Variants in KDM5A observed in about 807,000 individuals in gnomAD.
KDM5A encodes the protein lysine demethylase 5A.
Under a neutral mutation model 193.5 loss-of-function variants are expected in KDM5A, and 42 were observed. That is an observed-to-expected ratio of 0.22 (90% CI 0.17 to 0.28). KDM5A has a LOEUF of 0.28. KDM5A is among the 10% of genes least tolerant of loss of function. The pLI is 1.00. For synonymous variants in KDM5A, 796 were observed against 718.1 expected (o/e 1.11, Z -1.73); for missense variants, 1,692 against 2,055.1 (o/e 0.82, Z 3.42).
chr12:387,692 G>T (rs571262562), intron 1 of KDM5A, among the ~76,000 whole-genome samples: 1 of 152,244 alleles, frequency 6.6e-6, no homozygotes, highest in African/African-American at 2.4e-5. Context: ...TCACACATTT[G>T]GTGTTTTAAC....
rs535989140 is a variant in KDM5A, at chr12:318,174, A to C, written c.2829T>G (p.Ala943=). 1.9e-6 allele frequency: 3 copies of C among 1,614,222 alleles called. No homozygotes were observed. The East Asian group carries it at 6.7e-5, about 36-fold the overall frequency. The part of the protein sequence containing the change: ...APHHAVEKAM[A]ELQELLTVSE... ...AGACTGTAAGGAGCTCCTGTAGTTC[A>C]GCCATTGCTTTCTCCACAGCATGGT... Residue 943 remains alanine, a synonymous_variant, in exon 19 of 28, where the codon GCT becomes GCG. Transcript: ENST00000399788.
chr12:381,873 G>A (rs1944577458), intron 3 of KDM5A, among the ~76,000 whole-genome samples: 2 of 151,948 alleles, frequency 1.3e-5, no homozygotes, highest in Admixed American at 6.6e-5. Flanking sequence ...GTGGTGTGAT[G>A]ACAGCTCACC....
intron 21 of KDM5A, among the ~76,000 whole-genome samples, chr12:310,434 A>G (rs1032969104): frequency 6.6e-6 from 1 of 152,170 alleles, no homozygotes; most frequent in African/African-American, 2.4e-5. Context: ...GGAGTTCAAG[A>G]CCAGCCCAGG....
At chr12:383,390 T>C (rs2137498319) in intron 3 of KDM5A, among the ~76,000 whole-genome samples, 1 of 152,130 alleles carries the variant, frequency 6.6e-6, no homozygotes, top group East Asian at 1.9e-4. Context: ...AGCTTTTCTG[T>C]ATTTTTAGTA....
In KDM5A at chr12:325,033, G is replaced by T. The variant is rs568124911; in HGVS notation, c.1969-1252C>A. On this transcript the variant is annotated intron_variant, in intron 14 of 27. Transcript: ENST00000399788. ...CAAACTCTCTTCATGTAAACAAGGT[G>T]GGAACCTGATAATTTATTCACTGGC... is the stretch of plus-strand genomic sequence containing the variant. 1.6e-4 allele frequency among the ~76,000 whole-genome samples: 25 copies of T among 152,234 alleles called. 1 individual carries two copies. Among genetic ancestry groups the T allele is most frequent in the East Asian group, 1.2e-3 (6 of 5,190 alleles).
intron 4 of KDM5A, among the ~76,000 whole-genome samples, chr12:365,550 G>C (rs553614675): frequency 6.6e-6 from 1 of 152,190 alleles, no homozygotes; most frequent in Non-Finnish European, 1.5e-5. Context: ...GCTAGTGGAA[G>C]TGCTCTAAAA....
intron 4 of KDM5A, among the ~76,000 whole-genome samples, chr12:364,805 C>CAAAA (rs1565547547): frequency 6.8e-6 from 1 of 146,460 alleles, no homozygotes; most frequent in Non-Finnish European, 1.5e-5. Context: ...AACAAACAAA[C>CAAAA]AAATTTACAC....
At chr12:362,262 G>C (rs938979363) in intron 5 of KDM5A, among the ~76,000 whole-genome samples, 7 of 151,212 alleles carry the variant, frequency 4.6e-5, no homozygotes, top group African/African-American at 1.5e-4. Context: ...AGGAAACAGG[G>C]GTTTGAAAGA....
chr12:355,020 T>C, intron 7 of KDM5A, 138 bp downstream of exon 7: 1 of 702,516 alleles, frequency 1.4e-6, no homozygotes, highest in Non-Finnish European at 2.6e-6. Context: ...AAACAAAAGC[T>C]GTAACTTCAC....
At chr12:310,484 A>G (rs1363212785) in intron 21 of KDM5A, among the ~76,000 whole-genome samples, 1 of 152,136 alleles carries the variant, frequency 6.6e-6, no homozygotes, top group Non-Finnish European at 1.5e-5. Flanking sequence ...AATACAAAAA[A>G]TTAGCCAGGC....
rs375955542 is a variant in KDM5A at position 295,629 on chromosome 12, G to A, written c.4399C>T (p.Arg1467Trp). The A allele has an allele frequency of 2.2e-5, 35 of 1,613,968 alleles. No homozygotes were observed. The highest frequency in any genetic ancestry group is 3.3e-5 in the Admixed American group (2 of 60,000). ...GGTGGGTGTGTGGCCTGCAAAATCCGCCATATGTGTTGAGTCTCGTCCAGA... is the reference window on the plus strand; with the variant it reads ...GGTGGGTGTGTGGCCTGCAAAATCCACCATATGTGTTGAGTCTCGTCCAGA... The part of the protein sequence containing the change: ...VSLDETQHIW[R>W]ILQATHPPSE... Residue 1467 changes from arginine to tryptophan, a missense_variant, in exon 26 of 28, where the codon CGG (arginine) becomes TGG (tryptophan). By Grantham distance (101) the Arg-to-Trp change is moderately radical. Coordinates refer to ENST00000399788, the MANE Select transcript of KDM5A (RefSeq NM_001042603.3).
chr12:373,431 A>T (rs1288754527), intron 3 of KDM5A, among the ~76,000 whole-genome samples: 1 of 151,990 alleles, frequency 6.6e-6, no homozygotes, highest in East Asian at 1.9e-4. Context: ...ATTGGTGGTG[A>T]TATCCCCTTT....
chr12:362,072 T>A (rs1944300151), intron 5 of KDM5A, among the ~76,000 whole-genome samples: 1 of 152,180 alleles, frequency 6.6e-6, no homozygotes, highest in African/African-American at 2.4e-5. Context: ...ATCATTCCCA[T>A]CTCTATACTA....
In KDM5A at chr12:350,717, ATCT is replaced by A; in HGVS notation, c.1209_1211del (p.Glu403del). On this transcript the variant is annotated inframe_deletion, in exon 10 of 28. Transcript: ENST00000399788. ...TATCTGCTCCATATTCCACAATAACATCTTCTTCAATGCTGCTTACCAGCCGCC... is the reference window on the plus strand; with the variant it reads ...TATCTGCTCCATATTCCACAATAACATCTTCAATGCTGCTTACCAGCCGCC... 6.2e-7 allele frequency: 1 copy of A among 1,614,086 alleles called. No homozygotes were observed. Among genetic ancestry groups the A allele is most frequent in the East Asian group, 2.2e-5 (1 of 44,880 alleles).
At chr12:314,796 C>T (rs183775046) in intron 19 of KDM5A, among the ~76,000 whole-genome samples, 1 of 152,132 alleles carries the variant, frequency 6.6e-6, no homozygotes, top group East Asian at 1.9e-4. Context: ...CACAAAGATG[C>T]AGAGAAAGAA....
rs921158576 is a variant in KDM5A, at chr12:334,144, A to G, written c.1490+97T>C. The G allele has an allele frequency of 2.9e-5, 32 of 1,118,664 alleles. No homozygotes were observed. In the African/African-American group the frequency reaches 4.5e-4, roughly 16 times the overall value. 69.3% of individuals were successfully genotyped at this position (1,118,664 alleles called of 1,614,324 possible). ...TAGAAATTATTGAAACCTTAAATAT[A>G]CTTCTGTCTATAAACCTTAAAGATC... On this transcript the variant is annotated intron_variant, in intron 11 of 27. Coordinates refer to ENST00000399788, the MANE Select transcript of KDM5A (RefSeq NM_001042603.3).
chr12:385,893 T>C lies in KDM5A; in HGVS notation c.243+4A>G. ...GGAAGCAGAAATAGTGACAAAACAC[T>C]TACCTCAAGTTCATTCAGGCGCTGG... On this transcript the variant is annotated splice_donor_region_variant and intron_variant, in intron 2 of 27. Coordinates refer to ENST00000399788, the MANE Select transcript of KDM5A (RefSeq NM_001042603.3). 6.2e-7 allele frequency: 1 copy of C among 1,610,202 alleles called. No homozygotes were observed.
In KDM5A at chr12:285,014, A is replaced by G. The variant is rs1040013425; in HGVS notation, c.*442T>C. ...ACAGTGGAAGGAAAGTGGTACTCCA[A>G]TCCCTCTCCAACTATCCCAATGAAG... is the stretch of plus-strand genomic sequence containing the variant. On this transcript the variant is annotated 3_prime_UTR_variant, in exon 28 of 28. Coordinates refer to ENST00000399788, the MANE Select transcript of KDM5A (RefSeq NM_001042603.3). The G allele has an allele frequency of 3.7e-6, 1 of 271,842 alleles. No homozygotes were observed. The highest frequency in any genetic ancestry group is 5.1e-5 in the East Asian group (1 of 19,678). 16.8% of individuals were successfully genotyped at this position (271,842 alleles called of 1,614,324 possible).
At chr12:294,350 T>A (rs191735956) in intron 26 of KDM5A, among the ~76,000 whole-genome samples, 1 of 152,308 alleles carries the variant, frequency 6.6e-6, no homozygotes, top group African/African-American at 2.4e-5. Flanking sequence ...AACCTAATAA[T>A]TCCCTTGAGA....
Sources: allele counts gnomAD v4.1 joint callset (sites outside exome capture counted in the v4.1 genomes callset), GRCh38; gene constraint gnomAD v4.1.1; transcripts MANE v1.5; gene names NCBI Gene and HGNC (gene_info 2026-07-23, HGNC 2026-07-21).